The following GPN3 variants were observed in gnomAD, a reference collection of about 807,000 sequenced individuals.
The protein encoded by GPN3 is GPN-loop GTPase 3, also known as ATP-binding domain 1 family member C.
In GPN3, 31 loss-of-function variants were observed where a neutral mutation model predicts 38.7. The ratio of observed to expected loss-of-function variants is 0.80; its 90% CI spans 0.60 to 1.08. GPN3 has a LOEUF of 1.08. Ranked by LOEUF, GPN3 falls within the 50% of genes least tolerant of loss-of-function variation. The probability of loss-of-function intolerance (pLI) is 0.00; values close to 1 mark genes in which losing one functional copy is unlikely to be tolerated. For missense variants in GPN3, 301 were observed against 354.4 expected, an observed-to-expected ratio of 0.85 and a Z score of 1.21; for synonymous variants, 116 against 120.2, an observed-to-expected ratio of 0.96 and a Z score of 0.23.
At chr12:110,459,397 T>C (rs10849896) in intron 3 of GPN3, among the ~76,000 whole-genome samples, 39,193 of 151,836 alleles carry the variant, frequency 0.26, 7,117 homozygotes, top group African/African-American at 0.52. Flanking sequence ...CCCGCCACCA[T>C]GCCTGGCTAA....
intron 6 of GPN3, among the ~76,000 whole-genome samples, chr12:110,454,388 C>CT (rs762868668): frequency 0.023 from 3,053 of 134,894 alleles, 36 homozygotes; most frequent in Non-Finnish European, 0.033. Flanking sequence ...CTTTTTTTTT[C>CT]TTTTTTTTTT....
At chr12:110,465,071 C>G (rs1489481149) in intron 2 of GPN3, 35 bp downstream of exon 2, 2 of 1,092,316 alleles carry the variant, frequency 1.8e-6, no homozygotes, top group Admixed American at 1.7e-5. Context: ...CCTTACTGTT[C>G]CTGAAGGTGG....
At chr12:110,467,253 G>A (rs2062638121) in intron 1 of GPN3, among the ~76,000 whole-genome samples, 1 of 152,058 alleles carries the variant, frequency 6.6e-6, no homozygotes, top group African/African-American at 2.4e-5. Context: ...ATCTCCCAAA[G>A]TGATAGGATT....
At chr12:110,465,456 T>C (rs571826852) in intron 1 of GPN3, among the ~76,000 whole-genome samples, 1 of 152,324 alleles carries the variant, frequency 6.6e-6, no homozygotes, top group Non-Finnish European at 1.5e-5. Context: ...AACTGGGATG[T>C]CCTCCATAAT....
Position 110,465,171 on chromosome 12 carries a change from T to C in GPN3, c.92A>G (p.Asn31Ser), listed in dbSNP as rs1469194716. The change falls in exon 2 of 8, where the codon AAC becomes AGC. Residue 31 changes from asparagine (N) to serine (S), a missense_variant. Coordinates refer to ENST00000228827, the MANE Select transcript of GPN3 (RefSeq NM_016301.4). ...ATMVQHCEALNRSVQVVNLDP... is the reference protein window; with the variant it reads ...ATMVQHCEALSRSVQVVNLDP... ...CAGGTTTACAACTTGGACAGACCGG[T>C]TGAGGGCTTCACAGTGCTGGACCAT... 6 of 1,612,144 alleles carry C rather than the reference T, an allele frequency of 3.7e-6. No homozygotes were observed. The highest frequency in any genetic ancestry group is 1.7e-5 in the Admixed American group (1 of 60,004).
intron 1 of GPN3, among the ~76,000 whole-genome samples, chr12:110,467,537 A>G (rs937749562): frequency 6.6e-6 from 1 of 152,222 alleles, no homozygotes; most frequent in African/African-American, 2.4e-5. Flanking sequence ...CTCTGAAAAG[A>G]CCTGGGGATT....
chr12:110,468,483 C>G (rs770860971), upstream of GPN3: 3 of 1,537,174 alleles, frequency 2.0e-6, no homozygotes, highest in Non-Finnish European at 2.6e-6. Flanking sequence ...TGAGTAATAA[C>G]GGACAACAGA....
Position 110,458,864 on chromosome 12 carries a change from C to A in GPN3, c.325+831G>T, listed in dbSNP as rs2062567539. The stretch of plus-strand genomic sequence containing the variant: ...TATTATCTGTCTCCTACCAGTCACA[C>A]CTCATGACAATTGCCTCTTTGTTTA... On this transcript the variant is annotated intron_variant, in intron 3 of 7. Transcript: ENST00000228827. The surrounding 1 kb of genome is among the most constrained non-coding windows in gnomAD (Gnocchi z 4.4). Among the ~76,000 whole-genome samples the A allele has an allele frequency of 6.6e-6, 1 of 152,102 alleles. No homozygotes were observed. The highest frequency in any genetic ancestry group is 1.5e-5 in the Non-Finnish European group (1 of 68,030).
At position 110,457,669 on chromosome 12, in the gene GPN3, G is replaced by C. The variant is rs773663041; in HGVS notation, c.326-35C>G. 2.6e-5 allele frequency: 39 copies of C among 1,510,768 alleles called. 1 individual carries two copies. The South Asian group carries it at 4.2e-4, about 16-fold the overall frequency. 93.6% of individuals were successfully genotyped at this position (1,510,768 alleles called of 1,614,324 possible). A position where few individuals can be genotyped will look rare whatever the true frequency, so the allele number is the denominator to read the frequency against. On this transcript the variant is annotated intron_variant, in intron 3 of 7. Coordinates refer to ENST00000228827, the MANE Select transcript of GPN3 (RefSeq NM_016301.4). ...GAGTATTGCAAGAATTTTAGAAATA[G>C]CAAGTATGTTAAATCATCAAGTTAG...
In GPN3 at chr12:110,453,115, A is replaced by C. The variant is rs2062524794; in HGVS notation, c.793-19T>G. The C allele has an allele frequency of 5.2e-6, 6 of 1,164,204 alleles. No individual in the cohort carries two copies. Among genetic ancestry groups the C allele is most frequent in the Non-Finnish European group, 7.7e-6 (6 of 775,402 alleles). 72.1% of individuals were successfully genotyped at this position (1,164,204 alleles called of 1,614,324 possible). ...CACGTTCCTGACACAATGGAAACAC[A>C]AAATAGAAAATATATTCATTTCCCC... is the stretch of plus-strand genomic sequence containing the variant. On this transcript the variant is annotated intron_variant, in intron 7 of 7. Transcript: ENST00000228827.
At chr12:110,456,039 A>C in intron 4 of GPN3, 109 bp from the exon 5 acceptor site, 1 of 644,902 alleles carries the variant, frequency 1.6e-6, no homozygotes, top group Non-Finnish European at 2.8e-6. Flanking sequence ...CCTAAATAAA[A>C]GAAATGCAAG....
chr12:110,461,430 A>G (rs1466188645), intron 2 of GPN3: 2 of 585,882 alleles, frequency 3.4e-6, no homozygotes, highest in African/African-American at 3.7e-5. Flanking sequence ...TCTCAAACAA[A>G]AACAAACAAA....
intron 3 of GPN3, 112 bp downstream of exon 3, chr12:110,459,583 G>C: frequency 1.3e-6 from 1 of 770,000 alleles, no homozygotes. Context: ...AATAAGCTTG[G>C]TACTTTACTG....
intron 3 of GPN3, among the ~76,000 whole-genome samples, chr12:110,459,180 T>A (rs2062569626): frequency 6.6e-6 from 1 of 152,220 alleles, no homozygotes; most frequent in African/African-American, 2.4e-5. Flanking sequence ...ACCATGGCCA[T>A]CTGTGCTCTA....
intron 2 of GPN3, 42 bp from the exon 3 acceptor site, chr12:110,459,904 A>G: frequency 6.7e-7 from 1 of 1,491,950 alleles, no homozygotes; most frequent in Non-Finnish European, 9.2e-7. Context: ...GTGTCCCTTC[A>G]AAAATTGTTA....
chr12:110,463,981 C>T (rs2062610098), intron 2 of GPN3, among the ~76,000 whole-genome samples: 1 of 152,006 alleles, frequency 6.6e-6, no homozygotes, highest in African/African-American at 2.4e-5. Flanking sequence ...CAAATCCTTT[C>T]TCACCTCCAG....
chr12:110,467,319 A>C (rs965555106), intron 1 of GPN3, among the ~76,000 whole-genome samples: 1 of 152,140 alleles, frequency 6.6e-6, no homozygotes, highest in East Asian at 1.9e-4. Context: ...TATTTGATCC[A>C]TATCTTCACC....
At chr12:110,459,973 AATT>A in intron 2 of GPN3, 111 bp from the exon 3 acceptor site, 1 of 822,780 alleles carries the variant, frequency 1.2e-6, no homozygotes, top group South Asian at 1.7e-5. Context: ...ATATGCAGGA[AATT>A]ATTTATGTAC....
chr12:110,452,775 A>G lies in GPN3; in HGVS notation c.*259T>C. On this transcript the variant is annotated 3_prime_UTR_variant, in exon 8 of 8. Transcript: ENST00000228827. The stretch of plus-strand genomic sequence containing the variant: ...AACCTTAGCTCAGGTGCTAATTTAT[A>G]TATAAATCTATGTGCATTCATTTCA... 2.6e-6 allele frequency: 1 copy of G among 385,036 alleles called. No homozygotes were observed. The highest frequency in any genetic ancestry group is 2.6e-5 in the South Asian group (1 of 39,030). 23.9% of individuals were successfully genotyped at this position (385,036 alleles called of 1,614,324 possible). A position where few individuals can be genotyped will look rare whatever the true frequency, so the allele number is the denominator to read the frequency against.
Sources: gnomAD v4.1 joint callset for allele counts (sites outside exome capture counted in the v4.1 genomes callset) on GRCh38, gnomAD v4.1.1 for gene constraint, Gnocchi (gnomAD v3.1) non-coding constraint, MANE v1.5 for transcripts, NCBI Gene and HGNC (gene_info 2026-07-23, HGNC 2026-07-21) for gene names.